Variants in CPVL observed in about 807,000 individuals in gnomAD.
The protein encoded by CPVL is carboxypeptidase vitellogenic like.
CPVL carries 51 observed loss-of-function variants against 63.7 expected under a neutral mutation model. The ratio of observed to expected loss-of-function variants is 0.80; its 90% confidence interval spans 0.64 to 1.01. CPVL has a LOEUF of 1.01. Among genes scored for constraint, CPVL ranks in the 50% least tolerant of loss-of-function variants. The pLI is 0.00. For synonymous variants in CPVL, 195 were observed against 206.0 expected, an observed-to-expected ratio of 0.95 and a Z score of 0.46; for missense variants, 530 against 573.1, an observed-to-expected ratio of 0.92 and a Z score of 0.77.
chr7:29,142,757 C>T (rs966199594), intron 1 of CPVL, among the ~76,000 whole-genome samples: 1 of 152,004 alleles, frequency 6.6e-6, no homozygotes. Flanking sequence ...AACTCCTGAC[C>T]TCAGGTGATC....
At chr7:29,088,481 TTAGTAGCG>T (rs1462791534) in intron 6 of CPVL, among the ~76,000 whole-genome samples, 4 of 151,964 alleles carry the variant, frequency 2.6e-5, no homozygotes. Flanking sequence ...AAGCAAGCAC[TTAGTAGCG>T]TGGTAGCACT....
At chr7:29,106,640 G>A (rs929033633) in intron 3 of CPVL, among the ~76,000 whole-genome samples, 3 of 152,008 alleles carry the variant, frequency 2.0e-5, no homozygotes, top group African/African-American at 7.3e-5. Context: ...TACTATGGCA[G>A]AACAGGGAAG....
chr7:29,164,308 T>C (rs560591553), intron 5 of CPVL, among the ~76,000 whole-genome samples: 2 of 152,328 alleles, frequency 1.3e-5, no homozygotes, highest in East Asian at 3.9e-4. Context: ...GTAAAATGTC[T>C]ATTTGATTTT....
At position 29,172,451 on chromosome 7, in the gene CPVL, C is replaced by T. The variant is rs148039870; in HGVS notation, c.-11+8839G>A. Among the ~76,000 whole-genome samples the T allele has an allele frequency of 4.7e-4, 72 of 152,236 alleles. No homozygotes were observed. In the East Asian group the frequency reaches 6.6e-3, roughly 14 times the overall value. On this transcript the variant is annotated intron_variant, in intron 5 of 16. Transcript: ENST00000409850. The stretch of plus-strand genomic sequence containing the variant: ...TCTGTCTCATCTATCATCATATTGC[C>T]ACCCATTTATCATCCAAAAAAAATT...
In CPVL at chr7:29,030,587, T is replaced by C; in HGVS notation, c.1310A>G (p.Asp437Gly). The part of the protein sequence containing the change: ...EVAGYIRQAG[D>G]FHQVIIRGGG... ...CAAGCATCTTCCTACCTGATGGAAG[T>C]CACCCGCTTGCCGGATGTAACCAGC... is the stretch of plus-strand genomic sequence containing the variant. The change falls in exon 12 of 13, where the codon GAC becomes GGC. Residue 437 changes from aspartate (D) to glycine (G), a missense_variant. Physicochemically the swap from Asp to Gly is moderately conservative, Grantham distance 94. Transcript: ENST00000265394. 6.2e-7 allele frequency: 1 copy of C among 1,611,634 alleles called. No individual in the cohort carries two copies. The highest frequency in any genetic ancestry group is 8.5e-7 in the Non-Finnish European group (1 of 1,178,844).
chr7:29,033,481 C>A (rs1279418980), intron 11 of CPVL, among the ~76,000 whole-genome samples: 5 of 152,214 alleles, frequency 3.3e-5, no homozygotes, highest in African/African-American at 1.2e-4. Flanking sequence ...ACTCATCCCA[C>A]TTCTCCCCCG....
In CPVL at chr7:29,184,218, G is replaced by A. The variant is rs556712367; in HGVS notation, c.-134+203C>T. On this transcript the variant is annotated intron_variant, in intron 4 of 16. Transcript: ENST00000409850. ...ATAGATAAAAGAGATATTTATAGAA[G>A]AAATATATATAGGAGATATACATAT... 3.3e-5 allele frequency among the ~76,000 whole-genome samples: 5 copies of A among 150,080 alleles called. No homozygotes were observed. In the East Asian group the frequency reaches 9.8e-4, roughly 29 times the overall value.
chr7:29,052,205 G>A (rs773289921), intron 11 of CPVL, among the ~76,000 whole-genome samples: 6 of 151,528 alleles, frequency 4.0e-5, no homozygotes, highest in Non-Finnish European at 8.8e-5. Flanking sequence ...CTGCTTGGGT[G>A]ATGGGTGCAC....
chr7:29,165,422 G>A (rs1795783753), intron 5 of CPVL, among the ~76,000 whole-genome samples: 1 of 152,000 alleles, frequency 6.6e-6, no homozygotes, highest in Non-Finnish European at 1.5e-5. Context: ...ATATTTTTGT[G>A]TGTGTAGGTT....
chr7:29,072,037 G>GCA, intron 8 of CPVL, 133 bp from the exon 9 acceptor site: 3 of 1,068,144 alleles, frequency 2.8e-6, no homozygotes, highest in Non-Finnish European at 4.1e-6. Context: ...ATAATTACAT[G>GCA]CACACACACA....
chr7:29,138,952 TTGCTGGACATAA>T (rs1791554261), intron 1 of CPVL, among the ~76,000 whole-genome samples: 1 of 152,208 alleles, frequency 6.6e-6, no homozygotes, highest in South Asian at 2.1e-4. Context: ...GTGTCCTCCT[TTGCTGGACATAA>T]TGCTAACACA....
upstream of CPVL, among the ~76,000 whole-genome samples, chr7:29,149,189 CTTTTTTTTTTTT>C (rs60520174): frequency 4.0e-5 from 4 of 100,340 alleles, no homozygotes; most frequent in Non-Finnish European, 7.4e-5. Context: ...GTCTGTTTCC[CTTTTTTTTTTTT>C]TTTTTTTTTG....
chr7:29,168,645 G>T (rs1796215743), intron 5 of CPVL, among the ~76,000 whole-genome samples: 1 of 152,200 alleles, frequency 6.6e-6, no homozygotes, highest in Non-Finnish European at 1.5e-5. Flanking sequence ...AACCTGTATA[G>T]GCTGAAAGCT....
chr7:29,077,021 C>A (rs1327464789), intron 7 of CPVL, among the ~76,000 whole-genome samples: 1 of 152,180 alleles, frequency 6.6e-6, no homozygotes, highest in African/African-American at 2.4e-5. Context: ...GTAGAGAAAA[C>A]CTGTAATCGT....
chr7:29,135,891 T>A (rs1367646233), intron 1 of CPVL, among the ~76,000 whole-genome samples: 3 of 152,124 alleles, frequency 2.0e-5, no homozygotes, highest in Admixed American at 1.3e-4. Context: ...TTTAATTTAA[T>A]TTTTTTCACC....
chr7:29,188,769 A>G (rs1266887378), intron 1 of CPVL, among the ~76,000 whole-genome samples: 1 of 152,164 alleles, frequency 6.6e-6, no homozygotes, highest in East Asian at 1.9e-4. Context: ...AACAACAACA[A>G]CAACAAAACT....
chr7:29,136,451 G>A (rs1303589415), intron 1 of CPVL, among the ~76,000 whole-genome samples: 1 of 152,214 alleles, frequency 6.6e-6, no homozygotes, highest in Non-Finnish European at 1.5e-5. Flanking sequence ...GGACAGGTTG[G>A]AGGGTAGGAA....
At chr7:29,026,946 A>G (rs554638604) in intron 12 of CPVL, among the ~76,000 whole-genome samples, 5 of 152,166 alleles carry the variant, frequency 3.3e-5, no homozygotes, top group Non-Finnish European at 7.4e-5. Context: ...TCTCAAACTA[A>G]TTCTTTAAAA....
intron 11 of CPVL, among the ~76,000 whole-genome samples, chr7:29,060,216 G>A (rs1375011918): frequency 6.6e-6 from 1 of 152,046 alleles, no homozygotes; most frequent in Non-Finnish European, 1.5e-5. Context: ...TTCTAAGTGT[G>A]TTTACATATA....
Sources: allele counts gnomAD v4.1 joint callset (sites outside exome capture counted in the v4.1 genomes callset), GRCh38; gene constraint gnomAD v4.1.1; transcripts MANE v1.5; gene names NCBI Gene and HGNC (gene_info 2026-07-23, HGNC 2026-07-21).